The following NRG3 variants were observed in gnomAD, a reference collection of about 807,000 sequenced individuals.
NRG3 encodes the protein pro-neuregulin-3, membrane-bound isoform.
In NRG3, 31 loss-of-function variants were observed where a neutral mutation model predicts 66.9. That is an observed-to-expected ratio of 0.46 (90% CI 0.35 to 0.63). The LOEUF (loss-of-function observed/expected upper bound fraction) is 0.63. Ranked by LOEUF, NRG3 falls within the 20% of genes least tolerant of loss-of-function variation. The pLI is 0.00. For missense variants in NRG3, 910 were observed against 878.9 expected, an observed-to-expected ratio of 1.04 and a Z score of -0.45; for synonymous variants, 393 against 359.4, an observed-to-expected ratio of 1.09 and a Z score of -1.06.
intron 1 of NRG3, among the ~76,000 whole-genome samples, chr10:81,993,233 G>T (rs1167498453): frequency 6.6e-6 from 1 of 152,186 alleles, no homozygotes; most frequent in Non-Finnish European, 1.5e-5. Flanking sequence ...ACATAGGAAA[G>T]ATATAGTCTA....
chr10:81,898,818 A>G (rs1436442253), intron 1 of NRG3, among the ~76,000 whole-genome samples: 3 of 152,166 alleles, frequency 2.0e-5, no homozygotes, highest in Admixed American at 2.0e-4. Context: ...ATGAGAAAAC[A>G]TATACCATGT....
chr10:82,931,016 G>T (rs985651459), intron 4 of NRG3, among the ~76,000 whole-genome samples: 32 of 152,286 alleles, frequency 2.1e-4, no homozygotes, highest in Middle Eastern at 3.4e-3. Flanking sequence ...CTGGAGCAGA[G>T]TATAGGAGGC....
intron 3 of NRG3, among the ~76,000 whole-genome samples, chr10:82,857,834 G>A (rs374419430): frequency 6.6e-6 from 1 of 152,150 alleles, no homozygotes; most frequent in East Asian, 1.9e-4. Flanking sequence ...CATAAAGGGA[G>A]CATGAAGTTT....
rs962235439 is a variant in NRG3, at chr10:82,219,226, T to C, written c.824-139513T>C. On this transcript the variant is annotated intron_variant, in intron 1 of 8. Coordinates refer to ENST00000372141, the MANE Select transcript of NRG3 (RefSeq NM_001010848.4). ...TTTTTAGGTTAAATATTGTTTTGTTTGGGTGTGGGCCGCCCTGGCATTGCA... is the reference window on the plus strand; with the variant it reads ...TTTTTAGGTTAAATATTGTTTTGTTCGGGTGTGGGCCGCCCTGGCATTGCA... Among the ~76,000 whole-genome samples, 4 of 148,770 alleles carry C rather than the reference T, an allele frequency of 2.7e-5. No individual in the cohort carries two copies. In the East Asian group the frequency reaches 7.8e-4, roughly 29 times the overall value.
chr10:82,978,872 C>A, intron 7 of NRG3, 78 bp from the exon 8 acceptor site: 1 of 1,456,826 alleles, frequency 6.9e-7, no homozygotes, highest in Non-Finnish European at 9.3e-7. Flanking sequence ...GTTTGCAAAG[C>A]TTGAGCAGCC....
intron 1 of NRG3, among the ~76,000 whole-genome samples, chr10:82,042,075 A>G (rs1472577122): frequency 1.3e-5 from 2 of 152,056 alleles, no homozygotes; most frequent in Non-Finnish European, 2.9e-5. Flanking sequence ...GGCCACTGAG[A>G]TACAGTGCAA....
intron 6 of NRG3, among the ~76,000 whole-genome samples, chr10:82,960,823 A>G (rs4933862): frequency 0.36 from 55,083 of 151,356 alleles, 10,541 homozygotes; most frequent in East Asian, 0.66. Context: ...CCTGCCCACC[A>G]GAGAACAACC....
chr10:82,546,764 A>C (rs756167655), intron 2 of NRG3, among the ~76,000 whole-genome samples: 8 of 152,188 alleles, frequency 5.3e-5, no homozygotes, highest in Non-Finnish European at 1.2e-4. Flanking sequence ...TGATTTCTAA[A>C]TGTTACATTC....
At chr10:82,462,808 TATGAC>T (rs2091582179) in intron 2 of NRG3, among the ~76,000 whole-genome samples, 1 of 152,184 alleles carries the variant, frequency 6.6e-6, no homozygotes, top group Admixed American at 6.5e-5. Flanking sequence ...GAGTGGGAGA[TATGAC>T]TATACAAGTC....
At chr10:82,128,553 G>T (rs2068606987) in intron 1 of NRG3, among the ~76,000 whole-genome samples, 1 of 151,936 alleles carries the variant, frequency 6.6e-6, no homozygotes. Flanking sequence ...ATGAATAAAG[G>T]ATTTATATCT....
At chr10:82,127,505 A>C (rs1187471189) in intron 1 of NRG3, among the ~76,000 whole-genome samples, 1 of 152,000 alleles carries the variant, frequency 6.6e-6, no homozygotes, top group Admixed American at 6.6e-5. Flanking sequence ...TCTCTTATCC[A>C]TACCCTCCTG....
intron 3 of NRG3, among the ~76,000 whole-genome samples, chr10:82,860,455 G>A (rs2064063237): frequency 6.6e-6 from 1 of 152,116 alleles, no homozygotes; most frequent in Admixed American, 6.5e-5. Flanking sequence ...TGGTAGCTAA[G>A]AGCCAAGCCG....
intron 3 of NRG3, among the ~76,000 whole-genome samples, chr10:82,753,424 GT>G (rs1025699775): frequency 1.3e-5 from 2 of 151,836 alleles, no homozygotes; most frequent in Non-Finnish European, 2.9e-5. Flanking sequence ...GATTGAAGTA[GT>G]TTTTTTCTTT....
chr10:82,455,134 A>G (rs928875046), intron 2 of NRG3, among the ~76,000 whole-genome samples: 12 of 152,182 alleles, frequency 7.9e-5, no homozygotes, highest in South Asian at 2.1e-4. Context: ...GCCCAGGGCC[A>G]TGATTTTGTT....
intron 1 of NRG3, among the ~76,000 whole-genome samples, chr10:82,028,796 C>T (rs987326602): frequency 6.6e-6 from 1 of 152,074 alleles, no homozygotes; most frequent in Non-Finnish European, 1.5e-5. Context: ...ACATAAAGCA[C>T]AAAATAACTA....
intron 5 of NRG3, among the ~76,000 whole-genome samples, chr10:82,957,633 T>C (rs35031925): frequency 0.56 from 85,082 of 151,658 alleles, 24,690 homozygotes; most frequent in Non-Finnish European, 0.64. Context: ...CAGCCTTACA[T>C]GCACGAAAAT....
At chr10:82,588,991 T>A (rs1010060483) in intron 2 of NRG3, among the ~76,000 whole-genome samples, 3 of 152,120 alleles carry the variant, frequency 2.0e-5, no homozygotes, top group African/African-American at 7.2e-5. Flanking sequence ...TGACCAGTAA[T>A]TAAGCTTATA....
chr10:82,120,893 G>T (rs2068045835), intron 1 of NRG3, among the ~76,000 whole-genome samples: 1 of 152,012 alleles, frequency 6.6e-6, no homozygotes, highest in African/African-American at 2.4e-5. Context: ...TCCTGCACAT[G>T]CCTCCGTACC....
chr10:82,418,444 C>T (rs1018815187), intron 2 of NRG3, among the ~76,000 whole-genome samples: 2 of 149,316 alleles, frequency 1.3e-5, no homozygotes, highest in African/African-American at 5.0e-5. Flanking sequence ...GCAAATTAAC[C>T]AGTTTATGCA....
Sources: gnomAD v4.1 joint callset for allele counts (sites outside exome capture counted in the v4.1 genomes callset) on GRCh38, gnomAD v4.1.1 for gene constraint, MANE v1.5 for transcripts, NCBI Gene and HGNC (gene_info 2026-07-23, HGNC 2026-07-21) for gene names.